NOP9: variants seen among roughly 807,000 people sequenced by gnomAD.
NOP9 encodes nucleolar protein 9.
In NOP9, 50 loss-of-function variants were observed where a neutral mutation model predicts 63.0. That is an observed-to-expected ratio of 0.79 (90% CI 0.63 to 1.00). The LOEUF (loss-of-function observed/expected upper bound fraction) is 1.00, where lower values mean the gene tolerates loss of function less well. Among genes scored for constraint, NOP9 ranks in the 50% least tolerant of loss-of-function variants. The probability of loss-of-function intolerance (pLI) is 0.00; values close to 1 mark genes in which losing one functional copy is unlikely to be tolerated. For synonymous variants in NOP9, 343 were observed against 332.8 expected (o/e 1.03, Z -0.33); for missense variants, 758 against 803.0 (o/e 0.94, Z 0.68).
rs74896700 is a variant in NOP9 at position 24,302,882 on chromosome 14, T to G, written c.1144-192T>G. Among the ~76,000 whole-genome samples the G allele has an allele frequency of 4.2e-3, 633 of 152,346 alleles. 10 individuals carry two copies. The highest frequency in any genetic ancestry group is 4.1e-3 in the Non-Finnish European group (281 of 68,026). ...ATAGGGAAGAGCCACTTAAAGTTCC[T>G]TCCTGTGAGGTGGCACCTCTAAGAC... On this transcript the variant is annotated intron_variant, in intron 5 of 9. Transcript: ENST00000267425.
the NOP9 span, among the ~76,000 whole-genome samples, chr14:24,276,726 G>A: frequency 5.1e-4 from 78 of 152,364 alleles, no homozygotes; most frequent in African/African-American, 1.9e-3. Flanking sequence ...CCAGACTCAG[G>A]TTAAGAAGAA....
the NOP9 span, among the ~76,000 whole-genome samples, chr14:24,276,073 T>TA: frequency 6.6e-6 from 1 of 152,180 alleles, no homozygotes; most frequent in South Asian, 2.1e-4. Flanking sequence ...TTAATTAACT[T>TA]AAAAATTTTT....
At position 24,308,862 on chromosome 14, in the gene NOP9, C is replaced by T. The variant is rs1364602552; in HGVS notation, c.*3767C>T. ...AAGAAACACAGAGTAACTTGATTGC[C>T]CTGTGACCTGGCCAGTTGCATTTCC... On this transcript the variant is annotated 3_prime_UTR_variant, in exon 10 of 10. Coordinates refer to ENST00000267425, the MANE Select transcript of NOP9 (RefSeq NM_174913.3). 6.6e-6 allele frequency: 1 copy of T among 152,238 alleles called. No individual in the cohort carries two copies. Among genetic ancestry groups the T allele is most frequent in the Admixed American group, 6.5e-5 (1 of 15,284 alleles). 9.4% of individuals were successfully genotyped at this position (152,238 alleles called of 1,614,324 possible).
upstream of NOP9, chr14:24,298,797 C>A (rs1008423916): frequency 1.0e-6 from 1 of 985,984 alleles, no homozygotes; most frequent in Non-Finnish European, 1.4e-6. Flanking sequence ...TCTACCTTAC[C>A]TGAAGTTATT....
At chr14:24,298,523 C>T (rs1019819235), upstream of NOP9, among the ~76,000 whole-genome samples, 1 of 152,190 alleles carries the variant, frequency 6.6e-6, no homozygotes, top group African/African-American at 2.4e-5. Flanking sequence ...GAGGAAAGCA[C>T]AGGTCCACAA....
At chr14:24,291,448 G>T in the NOP9 span, 5 of 1,279,430 alleles carry the variant, frequency 3.9e-6, no homozygotes, top group Non-Finnish European at 5.7e-6. Context: ...GCAGAGAAAA[G>T]AATGACATGT....
chr14:24,271,358 C>T, the NOP9 span: 45 of 420,278 alleles, frequency 1.1e-4, no homozygotes, highest in African/African-American at 1.6e-4. Flanking sequence ...TTCCTATAGC[C>T]CGATTCGCCC....
In NOP9 at chr14:24,301,741, G is replaced by A. The variant is rs367862947; in HGVS notation, c.808+19G>A. On this transcript the variant is annotated intron_variant, in intron 3 of 9. Transcript: ENST00000267425. ...ATTGCAGGTAAGGAGGGAAGTAGGA[G>A]GATGGTCTCGTATCTACTTGTCTGG... 38 of 1,612,468 alleles carry A rather than the reference G, an allele frequency of 2.4e-5. No homozygotes were observed. Among genetic ancestry groups the A allele is most frequent in the Non-Finnish European group, 3.1e-5 (37 of 1,178,592 alleles).
the NOP9 span, among the ~76,000 whole-genome samples, chr14:24,275,139 C>T: frequency 0.031 from 4,660 of 151,052 alleles, 234 homozygotes; most frequent in African/African-American, 0.1. Flanking sequence ...CTTGAACTCC[C>T]GACCTCAGGT....
chr14:24,293,486 A>C, the NOP9 span: 1 of 152,210 alleles, frequency 6.6e-6, no homozygotes. Flanking sequence ...AGGCAGGAGG[A>C]TCTCTTGAGC....
the NOP9 span, among the ~76,000 whole-genome samples, chr14:24,282,697 G>A: frequency 1.2e-4 from 18 of 152,128 alleles, no homozygotes; most frequent in African/African-American, 2.7e-4. Flanking sequence ...GCACAAAGCC[G>A]GGCCCACTTC....
intron 7 of NOP9, 75 bp from the exon 8 acceptor site, chr14:24,303,966 G>A (rs189010949): frequency 6.3e-7 from 1 of 1,578,242 alleles, no homozygotes; most frequent in Non-Finnish European, 8.7e-7. Flanking sequence ...CCAGGTGGAG[G>A]TGGCAGTGTT....
Position 24,306,965 on chromosome 14 carries a change from C to G in NOP9, c.*1870C>G, listed in dbSNP as rs1174915967. ...ACTTTACCTACATTATCCTCTTACT[C>G]CTTTCAACAACCCTAGGAGGTGATG... is the stretch of plus-strand genomic sequence containing the variant. On this transcript the variant is annotated 3_prime_UTR_variant, in exon 10 of 10. Coordinates refer to ENST00000267425, the MANE Select transcript of NOP9 (RefSeq NM_174913.3). 2.4e-5 allele frequency: 6 copies of G among 253,320 alleles called. No homozygotes were observed. Among genetic ancestry groups the G allele is most frequent in the Admixed American group, 4.9e-5 (1 of 20,344 alleles). 15.7% of individuals were successfully genotyped at this position (253,320 alleles called of 1,614,324 possible).
chr14:24,304,300 T>G, intron 8 of NOP9, 23 bp downstream of exon 8: 1 of 1,583,882 alleles, frequency 6.3e-7, no homozygotes, highest in Non-Finnish European at 8.7e-7. Flanking sequence ...GCTTTTGCCT[T>G]GATTCCCCAC....
chr14:24,276,829 G>T, the NOP9 span, among the ~76,000 whole-genome samples: 1 of 152,216 alleles, frequency 6.6e-6, no homozygotes, highest in African/African-American at 2.4e-5. Context: ...TGTCACTGAG[G>T]CATAATGTAT....
At chr14:24,278,035 C>G in the NOP9 span, among the ~76,000 whole-genome samples, 1 of 152,084 alleles carries the variant, frequency 6.6e-6, no homozygotes, top group Non-Finnish European at 1.5e-5. Flanking sequence ...GCAGAAGTGC[C>G]CAATTCTTAT....
At chr14:24,286,995 T>A in the NOP9 span, among the ~76,000 whole-genome samples, 16 of 152,218 alleles carry the variant, frequency 1.1e-4, no homozygotes, top group African/African-American at 3.4e-4. Context: ...GTTCAAGCGA[T>A]CCTCCTGCCT....
the NOP9 span, among the ~76,000 whole-genome samples, chr14:24,281,878 C>T: frequency 2.9e-5 from 4 of 139,448 alleles, no homozygotes; most frequent in African/African-American, 1.1e-4. Flanking sequence ...AGTCCCCAAC[C>T]CTTCCTCTAC....
rs2041556329 is a variant in NOP9, at chr14:24,307,583, G to A, written c.*2488G>A. 2 of 1,552,586 alleles carry A rather than the reference G, an allele frequency of 1.3e-6. No homozygotes were observed. Among genetic ancestry groups the A allele is most frequent in the African/African-American group, 1.4e-5 (1 of 73,552 alleles). ...TTGGTGAGTGTAAAGGGCATGATGA[G>A]GGTAGAGTGGCTAGAGGGCTAGGGA... On this transcript the variant is annotated 3_prime_UTR_variant, in exon 10 of 10. Coordinates refer to ENST00000267425, the MANE Select transcript of NOP9 (RefSeq NM_174913.3).
Sources: gnomAD v4.1 joint callset for allele counts (sites outside exome capture counted in the v4.1 genomes callset) on GRCh38, gnomAD v4.1.1 for gene constraint, MANE v1.5 for transcripts, NCBI Gene and HGNC (gene_info 2026-07-23, HGNC 2026-07-21) for gene names.